FRMD5: variants seen among roughly 807,000 people sequenced by gnomAD.
FRMD5 encodes FERM domain-containing protein 5.
FRMD5 carries 20 observed loss-of-function variants against 69.0 expected under a neutral mutation model. That is an observed-to-expected ratio of 0.29 (90% CI 0.20 to 0.42). The LOEUF is 0.42. Among genes scored for constraint, FRMD5 ranks in the 10% least tolerant of loss-of-function variants. The probability of loss-of-function intolerance (pLI) is 1.00; values close to 1 mark genes in which losing one functional copy is unlikely to be tolerated. For synonymous variants in FRMD5, 271 were observed against 260.1 expected (o/e 1.04, Z -0.40); for missense variants, 595 against 708.6 (o/e 0.84, Z 1.82).
chr15:44,162,263 CTTTT>C (rs11357741), intron 1 of FRMD5, among the ~76,000 whole-genome samples: 4 of 125,050 alleles, frequency 3.2e-5, no homozygotes, highest in Non-Finnish European at 6.8e-5. Flanking sequence ...CGTGCCAGGC[CTTTT>C]TTTTTTTTTT....
chr15:44,110,949 C>G (rs2076787652), intron 1 of FRMD5, among the ~76,000 whole-genome samples: 1 of 152,162 alleles, frequency 6.6e-6, no homozygotes, highest in Admixed American at 6.5e-5. Context: ...TTTATAAAGA[C>G]TCGGATATCT....
chr15:43,954,548 A>G (rs913361276), intron 1 of FRMD5, among the ~76,000 whole-genome samples: 9 of 152,230 alleles, frequency 5.9e-5, no homozygotes, highest in Non-Finnish European at 1.3e-4. Flanking sequence ...ACACCATCCC[A>G]AAATGTGTAG....
chr15:43,971,493 G>C (rs1188584180), intron 1 of FRMD5, among the ~76,000 whole-genome samples: 1 of 151,196 alleles, frequency 6.6e-6, no homozygotes, highest in African/African-American at 2.4e-5. Context: ...AGACCAGCCT[G>C]ATCAAGATGG....
At chr15:44,130,928 AAAT>A (rs2077089751) in intron 1 of FRMD5, among the ~76,000 whole-genome samples, 1 of 152,200 alleles carries the variant, frequency 6.6e-6, no homozygotes, top group Admixed American at 6.5e-5. Flanking sequence ...GTAAATAAAT[AAAT>A]AATTTGTTTT....
chr15:43,905,792 G>A lies in FRMD5; in HGVS notation c.551+36C>T, dbSNP rs773691132. The A allele has an allele frequency of 3.7e-6, 6 of 1,611,830 alleles. No individual in the cohort carries two copies. In the South Asian group the frequency reaches 4.4e-5, roughly 12 times the overall value. On this transcript the variant is annotated intron_variant, in intron 6 of 13. Transcript: ENST00000417257. ...GCCTGCGTGCTCAGGCTGTGGAGAAGCCACAATGTTCTGGGCCTGATTAAG... is the reference window on the plus strand; with the variant it reads ...GCCTGCGTGCTCAGGCTGTGGAGAAACCACAATGTTCTGGGCCTGATTAAG...
chr15:44,024,717 C>T (rs748433271), intron 1 of FRMD5, among the ~76,000 whole-genome samples: 8 of 152,056 alleles, frequency 5.3e-5, no homozygotes, highest in Admixed American at 2.0e-4. Flanking sequence ...AAATAAAATA[C>T]GAATATCTTC....
At chr15:44,118,557 GTCT>G (rs1468088304) in intron 1 of FRMD5, among the ~76,000 whole-genome samples, 3 of 152,012 alleles carry the variant, frequency 2.0e-5, no homozygotes, top group African/African-American at 4.8e-5. Flanking sequence ...CTATGAACCT[GTCT>G]TCTTTTCATT....
intron 1 of FRMD5, among the ~76,000 whole-genome samples, chr15:44,121,155 TG>T (rs35129810): frequency 0.83 from 125,747 of 151,828 alleles, 54,717 homozygotes; most frequent in Non-Finnish European, 0.95. Context: ...GTAATTATGT[TG>T]ATTTTGAGGA....
At chr15:43,874,969 G>A (rs2088289041) in intron 13 of FRMD5, among the ~76,000 whole-genome samples, 1 of 151,966 alleles carries the variant, frequency 6.6e-6, no homozygotes, top group Admixed American at 6.6e-5. Flanking sequence ...GGAGGCCAAG[G>A]CGGGCGGATC....
intron 1 of FRMD5, among the ~76,000 whole-genome samples, chr15:44,180,105 C>T (rs2696098): frequency 0.84 from 126,510 of 150,034 alleles, 54,934 homozygotes; most frequent in Non-Finnish European, 0.94. Context: ...AACAACTCTG[C>T]AGTCACACAG....
At chr15:44,098,899 TATAAAG>T (rs1187090398) in intron 1 of FRMD5, among the ~76,000 whole-genome samples, 1 of 152,250 alleles carries the variant, frequency 6.6e-6, no homozygotes, top group Non-Finnish European at 1.5e-5. Flanking sequence ...TTGCTACTTA[TATAAAG>T]ATAATTGATT....
intron 1 of FRMD5, among the ~76,000 whole-genome samples, chr15:44,093,090 C>T (rs1240139512): frequency 6.6e-6 from 1 of 151,950 alleles, no homozygotes; most frequent in African/African-American, 2.4e-5. Flanking sequence ...CACCACCACA[C>T]CCAGCTAATT....
At chr15:43,960,324 A>G (rs561517923) in intron 1 of FRMD5, among the ~76,000 whole-genome samples, 1 of 152,152 alleles carries the variant, frequency 6.6e-6, no homozygotes, top group East Asian at 1.9e-4. Context: ...ATCTTGGCTC[A>G]CTGCAAGCTC....
chr15:44,164,504 T>C (rs1566979648), intron 1 of FRMD5, among the ~76,000 whole-genome samples: 1 of 152,168 alleles, frequency 6.6e-6, no homozygotes, highest in East Asian at 1.9e-4. Flanking sequence ...ATTAATGATG[T>C]TAGCCTATTC....
intron 1 of FRMD5, among the ~76,000 whole-genome samples, chr15:44,020,960 C>T (rs1459008979): frequency 2.0e-5 from 3 of 152,100 alleles, no homozygotes; most frequent in African/African-American, 7.2e-5. Context: ...AATAGATAAC[C>T]ATAAAATGAT....
chr15:43,873,937 C>G lies in FRMD5; in HGVS notation c.1661G>C (p.Arg554Pro), dbSNP rs201700276. ...TGAGCGGATTTTGCAGGCAAACCAT[C>G]GCCTGAGGGGACAAAAGTATTGATA... ...FHYQYFCPLRRWFACKIRSVV... is the reference protein window; with the variant it reads ...FHYQYFCPLRPWFACKIRSVV... The change falls in exon 14 of 14, where the codon CGA becomes CCA. Residue 554 changes from arginine to proline, a missense_variant. By Grantham distance (103) the Arg-to-Pro change is moderately radical. Transcript: ENST00000417257. 6.2e-7 allele frequency: 1 copy of G among 1,614,156 alleles called. No homozygotes were observed. The highest frequency in any genetic ancestry group is 8.5e-7 in the Non-Finnish European group (1 of 1,180,028).
intron 1 of FRMD5, among the ~76,000 whole-genome samples, chr15:44,159,562 C>A (rs919299088): frequency 2.6e-5 from 4 of 152,082 alleles, no homozygotes; most frequent in African/African-American, 9.7e-5. Context: ...AGTTAAGGAA[C>A]AAGAGGAGTT....
At chr15:44,025,572 T>C (rs1891396607) in intron 1 of FRMD5, among the ~76,000 whole-genome samples, 1 of 152,224 alleles carries the variant, frequency 6.6e-6, no homozygotes, top group Admixed American at 6.5e-5. Context: ...GTTATTAGGG[T>C]ACTCTATGCA....
intron 1 of FRMD5, among the ~76,000 whole-genome samples, chr15:44,095,024 C>T (rs953290685): frequency 1.3e-5 from 2 of 151,936 alleles, no homozygotes; most frequent in African/African-American, 4.8e-5. Context: ...TCCCACCCAA[C>T]AGGATTAATA....
Sources: allele counts gnomAD v4.1 joint callset (sites outside exome capture counted in the v4.1 genomes callset), GRCh38; gene constraint gnomAD v4.1.1; transcripts MANE v1.5; gene names NCBI Gene and HGNC (gene_info 2026-07-23, HGNC 2026-07-21).